Variants in DCDC1 observed in about 807,000 individuals in gnomAD.
DCDC1 encodes doublecortin domain containing 1.
A neutral mutation model predicts 178.3 loss-of-function variants in DCDC1; 200 were observed. The ratio of observed to expected loss-of-function variants is 1.12; its 90% CI spans 1.00 to 1.26. The LOEUF (loss-of-function observed/expected upper bound fraction) is 1.26, where lower values mean the gene tolerates loss of function less well. Among genes scored for constraint, DCDC1 ranks in the 50% most tolerant of loss-of-function variants. The pLI is 0.00. For missense variants in DCDC1, 1,983 were observed against 1,749.2 expected, an observed-to-expected ratio of 1.13 and a Z score of -2.38; for synonymous variants, 690 against 604.8, an observed-to-expected ratio of 1.14 and a Z score of -2.07.
intron 15 of DCDC1, among the ~76,000 whole-genome samples, chr11:31,095,022 T>C (rs952151686): frequency 1.3e-5 from 2 of 152,018 alleles, no homozygotes; most frequent in African/African-American, 4.8e-5. Flanking sequence ...CAACTCCCAC[T>C]TATGAGTGAG....
At chr11:30,953,067 T>C (rs1002067510) in intron 20 of DCDC1, among the ~76,000 whole-genome samples, 1 of 151,818 alleles carries the variant, frequency 6.6e-6, no homozygotes, top group African/African-American at 2.4e-5. Flanking sequence ...AACATGCTAA[T>C]GGAGAACATA....
chr11:30,914,648 A>AG (rs1243072205), intron 27 of DCDC1, among the ~76,000 whole-genome samples: 2 of 151,452 alleles, frequency 1.3e-5, no homozygotes, highest in African/African-American at 4.8e-5. Flanking sequence ...AAAAAAAAAA[A>AG]AAAAAGAGAG....
chr11:30,965,289 C>A (rs889031855), intron 20 of DCDC1, among the ~76,000 whole-genome samples: 1 of 152,168 alleles, frequency 6.6e-6, no homozygotes, highest in Non-Finnish European at 1.5e-5. Context: ...CAAAAATCAC[C>A]ATGTCAGTAC....
At chr11:31,342,941 T>C (rs942271) in intron 1 of DCDC1, among the ~76,000 whole-genome samples, 43,851 of 152,074 alleles carry the variant, frequency 0.29, 7,116 homozygotes, top group Non-Finnish European at 0.35. Context: ...TAGTGGTAGG[T>C]ATACCTTTTT....
intron 9 of DCDC1, among the ~76,000 whole-genome samples, chr11:31,153,594 C>T (rs929408257): frequency 2.0e-5 from 3 of 151,998 alleles, no homozygotes; most frequent in African/African-American, 7.2e-5. Flanking sequence ...ACCAGCCTGG[C>T]CAACATGGTG....
intron 10 of DCDC1, among the ~76,000 whole-genome samples, chr11:31,127,864 T>TA (rs1172896851): frequency 6.6e-6 from 1 of 152,130 alleles, no homozygotes; most frequent in Non-Finnish European, 1.5e-5. Flanking sequence ...ATGGGGTAGG[T>TA]AGCCCTTTAC....
chr11:31,119,462 T>C (rs1443897263), intron 11 of DCDC1, among the ~76,000 whole-genome samples: 1 of 152,176 alleles, frequency 6.6e-6, no homozygotes, highest in Admixed American at 6.6e-5. Context: ...TATAAATACA[T>C]GTTTAGGAAA....
In DCDC1 at chr11:30,995,891, C is replaced by T. The variant is rs527622435; in HGVS notation, c.2592-43323G>A. ...TACATCCCCAAAGGCACAATCAGCA[C>T]GATCATCCATAAAGAAACAAAATTT... is the stretch of plus-strand genomic sequence containing the variant. On this transcript the variant is annotated intron_variant, in intron 20 of 38. Coordinates refer to ENST00000684477, the MANE Select transcript of DCDC1 (RefSeq NM_001387274.1). Among the ~76,000 whole-genome samples the T allele has an allele frequency of 1.1e-3, 160 of 151,998 alleles. No individual in the cohort carries two copies. The South Asian group carries it at 0.016, about 15-fold the overall frequency.
intron 20 of DCDC1, among the ~76,000 whole-genome samples, chr11:30,988,017 GA>G (rs1461073181): frequency 6.6e-6 from 1 of 151,854 alleles, no homozygotes; most frequent in Non-Finnish European, 1.5e-5. Context: ...AGATACAGGA[GA>G]TTAGGTCACA....
At chr11:31,140,804 A>C (rs945609015) in intron 9 of DCDC1, among the ~76,000 whole-genome samples, 4 of 152,342 alleles carry the variant, frequency 2.6e-5, no homozygotes, top group Admixed American at 2.6e-4. Flanking sequence ...ACAGATTCCA[A>C]TGAAACAATT....
intron 26 of DCDC1, 146 bp downstream of exon 26, chr11:30,916,724 T>G: frequency 2.0e-6 from 2 of 1,024,694 alleles, no homozygotes; most frequent in South Asian, 5.8e-5. Flanking sequence ...TGTAAATATT[T>G]TAATCAAAAA....
chr11:30,986,117 GTCT>G (rs1478428429), intron 20 of DCDC1, among the ~76,000 whole-genome samples: 1 of 151,926 alleles, frequency 6.6e-6, no homozygotes, highest in Non-Finnish European at 1.5e-5. Flanking sequence ...CCCAAAGCAT[GTCT>G]TCTTCTTTCT....
At chr11:31,107,881 G>A (rs937110380) in intron 12 of DCDC1, among the ~76,000 whole-genome samples, 3 of 152,044 alleles carry the variant, frequency 2.0e-5, no homozygotes, top group Non-Finnish European at 4.4e-5. Context: ...TCGGTTTCTT[G>A]TTATCCTGTA....
At chr11:30,970,392 T>C (rs1044158171) in intron 20 of DCDC1, among the ~76,000 whole-genome samples, 1 of 152,092 alleles carries the variant, frequency 6.6e-6, no homozygotes, top group Admixed American at 6.5e-5. Flanking sequence ...TGGAGCTACA[T>C]TGACATCTCC....
At chr11:30,955,567 ACT>A (rs1948724776) in intron 20 of DCDC1, among the ~76,000 whole-genome samples, 1 of 152,012 alleles carries the variant, frequency 6.6e-6, no homozygotes, top group African/African-American at 2.4e-5. Context: ...TAACTACACC[ACT>A]TTCAAAATCC....
chr11:31,187,508 C>CA (rs918796934), intron 9 of DCDC1, among the ~76,000 whole-genome samples: 22 of 150,412 alleles, frequency 1.5e-4, no homozygotes, highest in African/African-American at 2.9e-4. Context: ...AACAAACAAA[C>CA]AAAAAAAAAC....
intron 20 of DCDC1, among the ~76,000 whole-genome samples, chr11:30,977,783 C>A (rs1950180539): frequency 1.3e-5 from 2 of 151,904 alleles, no homozygotes; most frequent in South Asian, 2.1e-4. Context: ...ATACAAAAAC[C>A]AGCCGGGCAT....
chr11:31,349,451 A>G (rs1564917324), intron 1 of DCDC1, among the ~76,000 whole-genome samples: 1 of 152,228 alleles, frequency 6.6e-6, no homozygotes, highest in East Asian at 1.9e-4. Flanking sequence ...CAATGTTGAC[A>G]AGATAATATT....
chr11:30,905,912 C>G (rs1240692442), intron 30 of DCDC1, among the ~76,000 whole-genome samples: 2 of 152,156 alleles, frequency 1.3e-5, no homozygotes, highest in Non-Finnish European at 2.9e-5. Context: ...GAAGAGCACA[C>G]CAGACTGGAA....
Sources: gnomAD v4.1 joint callset for allele counts (sites outside exome capture counted in the v4.1 genomes callset) on GRCh38, gnomAD v4.1.1 for gene constraint, MANE v1.5 for transcripts, NCBI Gene and HGNC (gene_info 2026-07-23, HGNC 2026-07-21) for gene names.